NBEA: variants seen among roughly 807,000 people sequenced by gnomAD.
The protein encoded by NBEA is lysosomal-trafficking regulator 2.
NBEA carries 44 observed loss-of-function variants against 343.4 expected under a neutral mutation model. The ratio of observed to expected loss-of-function variants is 0.13; its 90% CI spans 0.10 to 0.16. The LOEUF (loss-of-function observed/expected upper bound fraction) is 0.16. NBEA is among the 10% of genes least tolerant of loss of function. The pLI is 1.00. For missense variants in NBEA, 2,555 were observed against 3,631.3 expected (o/e 0.70, Z 7.62); for synonymous variants, 1,175 against 1,238.7 (o/e 0.95, Z 1.08).
rs2045188296 is a variant in NBEA, at chr13:35,432,508, A to G, written c.6304+115A>G. ...TTTAATGTTCTCCATGTCTTGAGTC[A>G]GAAATATTTTGTTCTGCTTTATCCT... is the stretch of plus-strand genomic sequence containing the variant. On this transcript the variant is annotated intron_variant, in intron 39 of 58. Transcript: ENST00000379939. The G allele has an allele frequency of 4.1e-6, 4 of 965,632 alleles. No homozygotes were observed. In the South Asian group the frequency reaches 7.7e-5, roughly 19 times the overall value. The allele number at this position is 965,632 out of a possible 1,614,324, so 59.8% of individuals were successfully genotyped here. A position where few individuals can be genotyped will look rare whatever the true frequency, so the allele number is the denominator to read the frequency against.
intron 41 of NBEA, among the ~76,000 whole-genome samples, chr13:35,518,846 A>G (rs2077586793): frequency 6.6e-6 from 1 of 152,142 alleles, no homozygotes; most frequent in African/African-American, 2.4e-5. Context: ...GGAAGGTTGC[A>G]GGATACCTCA....
intron 1 of NBEA, among the ~76,000 whole-genome samples, chr13:34,988,421 C>T (rs571435670): frequency 8.6e-5 from 13 of 151,322 alleles, no homozygotes; most frequent in East Asian, 3.9e-4. Flanking sequence ...TAGAGGTAGC[C>T]GGCCTTGCTG....
intron 34 of NBEA, among the ~76,000 whole-genome samples, chr13:35,263,685 G>A (rs7989764): frequency 6.6e-6 from 1 of 151,644 alleles, no homozygotes; most frequent in Non-Finnish European, 1.5e-5. Flanking sequence ...ACAACTAATG[G>A]GTCAAAGAAG....
chr13:35,451,977 A>G, intron 39 of NBEA, 115 bp from the exon 40 acceptor site: 2 of 767,346 alleles, frequency 2.6e-6, no homozygotes, highest in South Asian at 4.0e-5. Context: ...CTGTAATTGT[A>G]AAGTAATATG....
chr13:35,287,117 G>T (rs982026822), intron 34 of NBEA, among the ~76,000 whole-genome samples: 1 of 151,796 alleles, frequency 6.6e-6, no homozygotes, highest in Non-Finnish European at 1.5e-5. Flanking sequence ...TTCCTCATAG[G>T]CCCCCACACA....
chr13:35,357,048 G>A (rs1479446624), intron 38 of NBEA, among the ~76,000 whole-genome samples: 1 of 151,952 alleles, frequency 6.6e-6, no homozygotes, highest in Admixed American at 6.6e-5. Context: ...TCATTTACTG[G>A]TGTGTACCCA....
chr13:35,528,606 C>T (rs1378302822), intron 41 of NBEA, among the ~76,000 whole-genome samples: 1 of 152,134 alleles, frequency 6.6e-6, no homozygotes, highest in Non-Finnish European at 1.5e-5. Context: ...TAGGCCACAG[C>T]TCTTCTTGCT....
At chr13:35,463,878 G>A (rs2047033616) in intron 40 of NBEA, among the ~76,000 whole-genome samples, 1 of 151,820 alleles carries the variant, frequency 6.6e-6, no homozygotes, top group Admixed American at 6.6e-5. Flanking sequence ...CAGATAGAGG[G>A]GGTAACTACC....
intron 35 of NBEA, 77 bp downstream of exon 35, chr13:35,290,527 A>G (rs966946516): frequency 7.4e-6 from 7 of 940,016 alleles, no homozygotes; most frequent in African/African-American, 5.0e-5. Context: ...ATGTGCATAT[A>G]TATGTGTATG....
At chr13:35,004,714 A>G (rs1299437758) in intron 1 of NBEA, among the ~76,000 whole-genome samples, 1 of 152,222 alleles carries the variant, frequency 6.6e-6, no homozygotes, top group Non-Finnish European at 1.5e-5. Flanking sequence ...TAAAATGATC[A>G]TAGTAATCCC....
intron 41 of NBEA, among the ~76,000 whole-genome samples, chr13:35,480,903 A>T (rs1314493911): frequency 1.3e-5 from 2 of 151,974 alleles, no homozygotes; most frequent in Non-Finnish European, 2.9e-5. Flanking sequence ...GAGACAAAAA[A>T]TAGCTTGAAA....
Position 35,248,634 on chromosome 13 carries a change from C to G in NBEA, c.5776+16015C>G, listed in dbSNP as rs530330818. On this transcript the variant is annotated intron_variant, in intron 34 of 58. Coordinates refer to ENST00000379939, the MANE Select transcript of NBEA (RefSeq NM_001385012.1). ...AATAAACAAACAAAAAAAGCCAGCC[C>G]TTACTTATATGGTCAAATGATTTTC... 8.8e-4 allele frequency among the ~76,000 whole-genome samples: 134 copies of G among 152,162 alleles called. 1 individual carries two copies. Among genetic ancestry groups the G allele is most frequent in the Non-Finnish European group, 1.4e-3 (96 of 68,038 alleles).
chr13:35,379,228 T>G (rs989640691), intron 38 of NBEA, among the ~76,000 whole-genome samples: 8 of 152,148 alleles, frequency 5.3e-5, no homozygotes, highest in African/African-American at 1.9e-4. Flanking sequence ...ATACTTTACA[T>G]TTTCTGTGAT....
At chr13:35,064,611 A>G (rs1351923308) in intron 8 of NBEA, among the ~76,000 whole-genome samples, 1 of 152,048 alleles carries the variant, frequency 6.6e-6, no homozygotes, top group Non-Finnish European at 1.5e-5. Context: ...CCTAAAATTC[A>G]CTAAAATTCT....
chr13:35,646,075 A>C, intron 50 of NBEA, 144 bp downstream of exon 50: 1 of 710,978 alleles, frequency 1.4e-6, no homozygotes, highest in South Asian at 1.9e-5. Context: ...TTGGAAGGAG[A>C]AGCAAAGCTT....
chr13:35,394,868 A>AGG (rs1434650234), intron 38 of NBEA, among the ~76,000 whole-genome samples: 11 of 152,116 alleles, frequency 7.2e-5, no homozygotes, highest in Non-Finnish European at 1.6e-4. Flanking sequence ...AGATCTTTCT[A>AGG]CTTTTTAAAA....
chr13:35,436,291 A>G (rs1185276229), intron 39 of NBEA, among the ~76,000 whole-genome samples: 15 of 152,336 alleles, frequency 9.8e-5, no homozygotes, highest in Admixed American at 9.1e-4. Context: ...GTATAGATGT[A>G]GATTAAGAGT....
intron 31 of NBEA, among the ~76,000 whole-genome samples, chr13:35,204,569 G>C (rs936124370): frequency 9.9e-5 from 15 of 152,078 alleles, no homozygotes; most frequent in African/African-American, 3.6e-4. Flanking sequence ...GGAAGTCTGG[G>C]AGATACAATT....
chr13:35,496,798 C>T (rs1307315155), intron 41 of NBEA, among the ~76,000 whole-genome samples: 1 of 151,910 alleles, frequency 6.6e-6, no homozygotes, highest in Non-Finnish European at 1.5e-5. Flanking sequence ...TGTGCAGGCA[C>T]CTCTACCGCT....
Sources: allele counts gnomAD v4.1 joint callset (sites outside exome capture counted in the v4.1 genomes callset), GRCh38; gene constraint gnomAD v4.1.1; transcripts MANE v1.5; gene names NCBI Gene and HGNC (gene_info 2026-07-23, HGNC 2026-07-21).